The following MBD2 variants were observed in gnomAD, a reference collection of about 807,000 sequenced individuals.
MBD2 encodes the protein methyl-CpG-binding domain protein 2.
MBD2 carries 9 observed loss-of-function variants against 39.3 expected under a neutral mutation model. The ratio of observed to expected loss-of-function variants is 0.23; its 90% CI spans 0.14 to 0.40. MBD2 has a LOEUF of 0.40. Ranked by LOEUF, MBD2 falls within the 10% of genes least tolerant of loss-of-function variation. The probability of loss-of-function intolerance (pLI) is 1.00; values close to 1 mark genes in which losing one functional copy is unlikely to be tolerated. For synonymous variants in MBD2, 233 were observed against 211.1 expected (o/e 1.10, Z -0.90); for missense variants, 458 against 532.6 (o/e 0.86, Z 1.38).
intron 5 of MBD2, among the ~76,000 whole-genome samples, chr18:54,160,614 A>G (rs1393362657): frequency 2.6e-5 from 4 of 151,718 alleles, no homozygotes; most frequent in Non-Finnish European, 5.9e-5. Flanking sequence ...AGAGCACAGG[A>G]AGAAAGGCTA....
chr18:54,155,769 C>T (rs778443328), intron 6 of MBD2, among the ~76,000 whole-genome samples: 8 of 152,134 alleles, frequency 5.3e-5, no homozygotes, highest in Non-Finnish European at 7.4e-5. Context: ...ACGTATGCAT[C>T]GAGTCTTCCT....
chr18:54,214,600 T>C (rs1380732617), intron 1 of MBD2, among the ~76,000 whole-genome samples: 1 of 152,150 alleles, frequency 6.6e-6, no homozygotes, highest in African/African-American at 2.4e-5. Context: ...CTTCACATAA[T>C]TACCAAGCAT....
chr18:54,159,936 A>C, intron 5 of MBD2, 33 bp from the exon 6 acceptor site: 1 of 1,606,196 alleles, frequency 6.2e-7, no homozygotes, highest in Non-Finnish European at 8.5e-7. Flanking sequence ...GGCACTGAGA[A>C]TTTGGCAAGT....
At chr18:54,220,135 C>A (rs926718866) in intron 1 of MBD2, among the ~76,000 whole-genome samples, 2 of 151,964 alleles carry the variant, frequency 1.3e-5, no homozygotes, top group Non-Finnish European at 2.9e-5. Flanking sequence ...CAAGAGGGGG[C>A]TACTAAAAGA....
intron 3 of MBD2, among the ~76,000 whole-genome samples, chr18:54,181,642 G>C (rs1054713597): frequency 1.3e-5 from 2 of 152,064 alleles, no homozygotes; most frequent in African/African-American, 4.8e-5. Context: ...GGGATTACAG[G>C]CACCTGCCAC....
rs1026020409 is a variant in MBD2 at position 54,155,211 on chromosome 18, T to A, written c.*113A>T. On this transcript the variant is annotated 3_prime_UTR_variant, in exon 7 of 7. Coordinates refer to ENST00000256429, the MANE Select transcript of MBD2 (RefSeq NM_003927.5). ...TGGTTAGTGCTATTAAAAAGCTCTA[T>A]GTGCTCGGGTACATTTTTTTTCTTA... The A allele has an allele frequency of 1.3e-5, 2 of 152,374 alleles. No individual in the cohort carries two copies. Among genetic ancestry groups the A allele is most frequent in the African/African-American group, 4.8e-5 (2 of 41,440 alleles). The allele number at this position is 152,374 out of a possible 1,614,324, so 9.4% of individuals were successfully genotyped here. A position where few individuals can be genotyped will look rare whatever the true frequency, so the allele number is the denominator to read the frequency against.
chr18:54,165,056 T>A (rs1326640197), intron 4 of MBD2, among the ~76,000 whole-genome samples: 2 of 152,240 alleles, frequency 1.3e-5, no homozygotes, highest in Non-Finnish European at 2.9e-5. Flanking sequence ...TCAAGCAATG[T>A]TAATTATTTT....
At chr18:54,202,682 AT>A in intron 2 of MBD2, 2 of 1,092,028 alleles carry the variant, frequency 1.8e-6, no homozygotes, top group Non-Finnish European at 2.3e-6. Flanking sequence ...TTCCAAAATA[AT>A]GTACGGTATA....
At chr18:54,208,488 C>T (rs2086471359) in intron 1 of MBD2, among the ~76,000 whole-genome samples, 1 of 152,070 alleles carries the variant, frequency 6.6e-6, no homozygotes, top group African/African-American at 2.4e-5. Context: ...AAAACTCTGT[C>T]TCAATAAAAT....
intron 1 of MBD2, among the ~76,000 whole-genome samples, chr18:54,214,003 CTTTTTTTTTT>C (rs529774043): frequency 1.5e-5 from 2 of 129,326 alleles, no homozygotes; most frequent in African/African-American, 2.8e-5. Flanking sequence ...TTCTTTCTTT[CTTTTTTTTTT>C]TTTTTTTTAA....
At chr18:54,187,063 G>A (rs1273764119) in intron 3 of MBD2, among the ~76,000 whole-genome samples, 4 of 152,174 alleles carry the variant, frequency 2.6e-5, no homozygotes, top group Non-Finnish European at 5.9e-5. Flanking sequence ...TAAACACCCA[G>A]TAAATAATTA....
At chr18:54,193,602 A>C (rs1409657218) in intron 2 of MBD2, among the ~76,000 whole-genome samples, 1 of 152,194 alleles carries the variant, frequency 6.6e-6, no homozygotes, top group Middle Eastern at 3.4e-3. Context: ...TCTTTTGTAC[A>C]CTCCCAAAGG....
intron 2 of MBD2, among the ~76,000 whole-genome samples, chr18:54,192,482 C>T (rs1199973483): frequency 2.0e-5 from 3 of 152,116 alleles, no homozygotes; most frequent in Admixed American, 6.5e-5. Flanking sequence ...CTGCCTGCCT[C>T]GGCCTCCCAA....
intron 2 of MBD2, chr18:54,202,856 A>G (rs771510021): frequency 7.1e-7 from 1 of 1,403,604 alleles, no homozygotes; most frequent in Non-Finnish European, 1.0e-6. Context: ...TGAAGCAGAC[A>G]AACAAGTCAC....
At chr18:54,207,846 G>A (rs1406981155) in intron 1 of MBD2, among the ~76,000 whole-genome samples, 4 of 151,546 alleles carry the variant, frequency 2.6e-5, no homozygotes, top group Admixed American at 2.6e-4. Flanking sequence ...GACCATCCTG[G>A]CTAACACGGT....
intron 5 of MBD2, among the ~76,000 whole-genome samples, chr18:54,162,368 T>C (rs1469555083): frequency 6.6e-6 from 1 of 152,234 alleles, no homozygotes; most frequent in African/African-American, 2.4e-5. Flanking sequence ...GTAGACAGAC[T>C]ATTGGATACC....
intron 5 of MBD2, chr18:54,160,162 CT>C: frequency 2.7e-6 from 1 of 370,568 alleles, no homozygotes. Context: ...CGTCAGTGAC[CT>C]TTTCTTCAAC....
chr18:54,222,758 T>C (rs895493288), intron 1 of MBD2, among the ~76,000 whole-genome samples: 15 of 152,264 alleles, frequency 9.9e-5, no homozygotes, highest in Admixed American at 8.5e-4. Flanking sequence ...CAACTACTCA[T>C]CCATATATAG....
In MBD2 at chr18:54,153,153, G is replaced by C. The variant is rs188950732; in HGVS notation, c.*2171C>G. On this transcript the variant is annotated 3_prime_UTR_variant, in exon 7 of 7. Coordinates refer to ENST00000256429, the MANE Select transcript of MBD2 (RefSeq NM_003927.5). Reference sequence around the variant, plus strand: ...GTTCATATGAAGGCAGTGATCGTGGGGATGGAGGAGAGGTGGGGTGCAGTC... The same window carrying C: ...GTTCATATGAAGGCAGTGATCGTGGCGATGGAGGAGAGGTGGGGTGCAGTC... The C allele has an allele frequency of 6.6e-6, 1 of 152,602 alleles. No individual in the cohort carries two copies. Among genetic ancestry groups the C allele is most frequent in the Non-Finnish European group, 1.5e-5 (1 of 68,310 alleles). 9.5% of individuals were successfully genotyped at this position (152,602 alleles called of 1,614,324 possible).
Sources: gnomAD v4.1 joint callset for allele counts (sites outside exome capture counted in the v4.1 genomes callset) on GRCh38, gnomAD v4.1.1 for gene constraint, MANE v1.5 for transcripts, NCBI Gene and HGNC (gene_info 2026-07-23, HGNC 2026-07-21) for gene names.